The following ABTB3 variants were observed in gnomAD, a reference collection of about 807,000 sequenced individuals.
ABTB3 encodes ankyrin repeat- and BTB/POZ domain-containing protein 3.
chr12:107,319,968 C>A, the ABTB3 span: 3 of 1,582,468 alleles, frequency 1.9e-6, 1 homozygote, highest in South Asian at 3.4e-5. Context: ...CTCCACGAGG[C>A]GCCCAAGTTC....
chr12:107,358,738 G>A, the ABTB3 span, among the ~76,000 whole-genome samples: 1 of 152,164 alleles, frequency 6.6e-6, no homozygotes, highest in South Asian at 2.1e-4. Context: ...GGGATTACAG[G>A]TGCACACCAC....
the ABTB3 span, among the ~76,000 whole-genome samples, chr12:107,445,863 T>TCTC: frequency 9.4e-6 from 1 of 106,350 alleles, no homozygotes; most frequent in African/African-American, 3.5e-5. Context: ...TCTCCAAATC[T>TCTC]CCCTCTCCCC....
the ABTB3 span, among the ~76,000 whole-genome samples, chr12:107,483,178 C>T: frequency 6.6e-6 from 1 of 151,864 alleles, no homozygotes; most frequent in Non-Finnish European, 1.5e-5. Context: ...TAGGCATGCA[C>T]CATCACGCCC....
the ABTB3 span, among the ~76,000 whole-genome samples, chr12:107,368,784 C>T: frequency 6.6e-6 from 1 of 152,180 alleles, no homozygotes; most frequent in African/African-American, 2.4e-5. Flanking sequence ...TTTTGTAAAT[C>T]TGTTGAGTAT....
the ABTB3 span, among the ~76,000 whole-genome samples, chr12:107,520,817 G>A: frequency 6.6e-6 from 1 of 152,216 alleles, no homozygotes. Context: ...GAAGGTAAGA[G>A]CTCTGAAGCT....
At chr12:107,509,030 A>G in the ABTB3 span, among the ~76,000 whole-genome samples, 1 of 152,158 alleles carries the variant, frequency 6.6e-6, no homozygotes, top group Non-Finnish European at 1.5e-5. Flanking sequence ...GGAGCCCTAG[A>G]TCTTTTAGGA....
the ABTB3 span, among the ~76,000 whole-genome samples, chr12:107,571,481 G>T: frequency 6.6e-6 from 1 of 152,224 alleles, no homozygotes; most frequent in African/African-American, 2.4e-5. Flanking sequence ...TGGCCCCTAG[G>T]AGCCCACCCT....
chr12:107,571,804 G>A, the ABTB3 span, among the ~76,000 whole-genome samples: 1 of 152,258 alleles, frequency 6.6e-6, no homozygotes, highest in Admixed American at 6.5e-5. Context: ...ATAGGCAGCA[G>A]CTAGCGGAGA....
At chr12:107,656,987 G>A in the ABTB3 span, among the ~76,000 whole-genome samples, 935 of 152,232 alleles carry the variant, frequency 6.1e-3, 11 homozygotes, top group African/African-American at 0.021. Context: ...AGGTTGCAGT[G>A]AGCCGAGATC....
chr12:107,429,640 G>A, the ABTB3 span, among the ~76,000 whole-genome samples: 1 of 152,168 alleles, frequency 6.6e-6, no homozygotes. Context: ...GTTCTGAGAG[G>A]TTTGACTCAA....
chr12:107,329,586 G>T, the ABTB3 span, among the ~76,000 whole-genome samples: 2 of 152,210 alleles, frequency 1.3e-5, no homozygotes, highest in Non-Finnish European at 2.9e-5. Context: ...GCCTTCTATA[G>T]TTTGTCAGTA....
the ABTB3 span, among the ~76,000 whole-genome samples, chr12:107,478,448 A>G: frequency 2.1e-4 from 32 of 152,296 alleles, no homozygotes; most frequent in African/African-American, 7.0e-4. Flanking sequence ...GTAGGTGCTC[A>G]TGGTACTTGT....
At chr12:107,553,952 G>T in the ABTB3 span, among the ~76,000 whole-genome samples, 2 of 152,082 alleles carry the variant, frequency 1.3e-5, no homozygotes, top group African/African-American at 4.8e-5. Flanking sequence ...GAGAGAGAGA[G>T]AAGAGGAATT....
At chr12:107,380,218 C>G in the ABTB3 span, among the ~76,000 whole-genome samples, 1 of 152,084 alleles carries the variant, frequency 6.6e-6, no homozygotes, top group Non-Finnish European at 1.5e-5. Flanking sequence ...GTTTTATCAC[C>G]GAAGATTATG....
chr12:107,618,297 A>G, the ABTB3 span: 1 of 1,613,984 alleles, frequency 6.2e-7, no homozygotes, highest in South Asian at 1.1e-5. Flanking sequence ...CAGCAAGGCC[A>G]AACTGAGGGC....
At chr12:107,540,604 G>T in the ABTB3 span, among the ~76,000 whole-genome samples, 1 of 152,178 alleles carries the variant, frequency 6.6e-6, no homozygotes, top group Admixed American at 6.5e-5. Context: ...TCAGTGGATC[G>T]TAGTCTAGTT....
chr12:107,319,729 C>A, the ABTB3 span: 1 of 1,530,436 alleles, frequency 6.5e-7, no homozygotes, highest in East Asian at 2.5e-5. Context: ...GCTGCAGTGG[C>A]CCTGGGTCAG....
chr12:107,470,014 C>CTCTCTCTCTCTCTCTCTCTCTTTCTT, the ABTB3 span, among the ~76,000 whole-genome samples: 25 of 65,468 alleles, frequency 3.8e-4, 5 homozygotes, highest in African/African-American at 1.2e-3. Flanking sequence ...CTTTCTTTCT[C>CTCTCTCTCTCTCTCTCTCTCTTTCTT]TCTCTCTCTC....
At chr12:107,608,912 TAA>T in the ABTB3 span, among the ~76,000 whole-genome samples, 682 of 75,798 alleles carry the variant, frequency 9.0e-3, 14 homozygotes, top group African/African-American at 0.038. Context: ...TAAAATAAAA[TAA>T]AATAAAATAA....
Sources: allele counts gnomAD v4.1 joint callset (sites outside exome capture counted in the v4.1 genomes callset), GRCh38; gene constraint gnomAD v4.1.1; transcripts MANE v1.5; gene names NCBI Gene and HGNC (gene_info 2026-07-23, HGNC 2026-07-21).